The following DERA variants were observed in gnomAD, a reference collection of about 807,000 sequenced individuals.
DERA encodes the protein 2-deoxy-D-ribose 5-phosphate aldolase.
A neutral mutation model predicts 41.1 loss-of-function variants in DERA; 15 were observed. The ratio of observed to expected loss-of-function variants is 0.37; its 90% CI spans 0.24 to 0.56. The LOEUF is 0.56. DERA is among the 20% of genes least tolerant of loss of function. The probability of loss-of-function intolerance (pLI) is 0.81; values close to 1 mark genes in which losing one functional copy is unlikely to be tolerated. For missense variants in DERA, 396 were observed against 403.4 expected (o/e 0.98, Z 0.16); for synonymous variants, 139 against 137.4 (o/e 1.01, Z -0.08).
In DERA at chr12:15,913,215, G is replaced by C. The variant is rs1948177068; in HGVS notation, c.31+1801G>C. Among the ~76,000 whole-genome samples, 1 of 152,168 alleles carries C rather than the reference G, an allele frequency of 6.6e-6. No homozygotes were observed. Among genetic ancestry groups the C allele is most frequent in the Non-Finnish European group, 1.5e-5 (1 of 68,030 alleles). On this transcript the variant is annotated intron_variant, in intron 1 of 8. Transcript: ENST00000428559. The surrounding 1 kb of genome is among the most constrained non-coding windows in gnomAD (Gnocchi z 4.5). ...TCCATTCATTTGTTGAAAAGTAATAGACATAAATAATTGCCAGGTAGAACA... is the reference window on the plus strand; with the variant it reads ...TCCATTCATTTGTTGAAAAGTAATACACATAAATAATTGCCAGGTAGAACA...
chr12:15,960,850 G>A (rs367870195), intron 4 of DERA, among the ~76,000 whole-genome samples: 1 of 152,094 alleles, frequency 6.6e-6, no homozygotes, highest in African/African-American at 2.4e-5. Flanking sequence ...GCACTAGCAC[G>A]TGTGAAGGCA....
chr12:15,925,374 T>G (rs79585733), intron 1 of DERA, among the ~76,000 whole-genome samples: 2,524 of 152,266 alleles, frequency 0.017, 58 homozygotes, highest in African/African-American at 0.053. Flanking sequence ...TTCTTATTAT[T>G]TTGAACACAT....
rs1355388667 is a variant in DERA, at chr12:15,918,767, A to G, written c.31+7353A>G. The stretch of plus-strand genomic sequence containing the variant: ...CATACGGCATGTTAAAACTGACAAC[A>G]GGAACGTGGTGGGATTGGAAGGATA... On this transcript the variant is annotated intron_variant, in intron 1 of 8. Coordinates refer to ENST00000428559, the MANE Select transcript of DERA (RefSeq NM_015954.4). The surrounding 1 kb of genome is among the most constrained non-coding windows in gnomAD (Gnocchi z 4.3). Among the ~76,000 whole-genome samples the G allele has an allele frequency of 6.6e-6, 1 of 152,192 alleles. No homozygotes were observed. The highest frequency in any genetic ancestry group is 1.5e-5 in the Non-Finnish European group (1 of 68,038).
At chr12:15,974,321 G>A (rs1009367148) in intron 5 of DERA, among the ~76,000 whole-genome samples, 2 of 152,164 alleles carry the variant, frequency 1.3e-5, no homozygotes, top group African/African-American at 4.8e-5. Flanking sequence ...ATTAGGTGTA[G>A]TATCAGTTGT....
chr12:15,945,281 C>T (rs1379384092), intron 1 of DERA, among the ~76,000 whole-genome samples: 2 of 152,130 alleles, frequency 1.3e-5, no homozygotes, highest in Non-Finnish European at 2.9e-5. Flanking sequence ...TCATTAGTAG[C>T]TTGATGGGGA....
Position 16,013,026 on chromosome 12 carries a change from C to T in DERA, c.638-19516C>T, listed in dbSNP as rs1485871066. ...TATGGTGTGTAACTATCATATTGGA[C>T]TATGACGTGCAGCCCTAGACAAATC... On this transcript the variant is annotated intron_variant, in intron 6 of 8. Transcript: ENST00000428559. This position sits in a 1 kb window ranked among gnomAD's most constrained non-coding sequence, Gnocchi z 5.8. 1.3e-5 allele frequency among the ~76,000 whole-genome samples: 2 copies of T among 152,142 alleles called. No homozygotes were observed. Among genetic ancestry groups the T allele is most frequent in the Non-Finnish European group, 2.9e-5 (2 of 68,036 alleles).
intron 1 of DERA, among the ~76,000 whole-genome samples, chr12:15,919,764 C>T (rs1165286247): frequency 6.6e-6 from 1 of 152,152 alleles, no homozygotes; most frequent in African/African-American, 2.4e-5. Context: ...TCCCGCAAAG[C>T]AAAGTCTAAG....
At chr12:15,958,626 G>A (rs536902403) in intron 3 of DERA, among the ~76,000 whole-genome samples, 2 of 149,162 alleles carry the variant, frequency 1.3e-5, no homozygotes, top group African/African-American at 4.9e-5. Flanking sequence ...TTTCTGTTTA[G>A]TGACACTGAA....
At chr12:16,016,606 C>T (rs1373389148) in intron 6 of DERA, among the ~76,000 whole-genome samples, 1 of 151,638 alleles carries the variant, frequency 6.6e-6, no homozygotes, top group Non-Finnish European at 1.5e-5. Context: ...TCGAGACCAG[C>T]CCAGACAACA....
intron 3 of DERA, among the ~76,000 whole-genome samples, 179 bp downstream of exon 3, chr12:15,958,514 CTTTT>C (rs78571301): frequency 2.4e-5 from 3 of 124,094 alleles, no homozygotes; most frequent in Non-Finnish European, 1.7e-5. Flanking sequence ...GAATCTGAGT[CTTTT>C]TTTTTTTTTT....
rs2136132788 is a variant in DERA, at chr12:15,935,573, T to G, written c.32-21363T>G. ...TTCAGTTTTCACATATCTGTACCAG[T>G]TTCAGTGTAATTTGATTTATTTATT... is the stretch of plus-strand genomic sequence containing the variant. On this transcript the variant is annotated intron_variant, in intron 1 of 8. Transcript: ENST00000428559. The surrounding 1 kb of genome is among the most constrained non-coding windows in gnomAD (Gnocchi z 4.8). 6.6e-6 allele frequency among the ~76,000 whole-genome samples: 1 copy of G among 152,342 alleles called. No homozygotes were observed. Among genetic ancestry groups the G allele is most frequent in the East Asian group, 1.9e-4 (1 of 5,190 alleles).
rs552150273 is a variant in DERA at position 16,032,591 on chromosome 12, C to T, written c.687C>T (p.Thr229=). Residue 229 remains threonine (T), a synonymous_variant, in exon 7 of 9, where the codon ACC becomes ACT. Coordinates refer to ENST00000428559, the MANE Select transcript of DERA (RefSeq NM_015954.4). The part of the protein sequence containing the change: ...TSTGKETVNA[T]FPVAIVMLRA... ...CTGGAAAAGAAACAGTAAATGCCAC[C>T]TTCCCGGTAGCTATAGTAATGCTGC... 8.2e-5 allele frequency: 128 copies of T among 1,566,442 alleles called. No individual in the cohort carries two copies. The highest frequency in any genetic ancestry group is 5.0e-4 in the Middle Eastern group (3 of 6,010).
At position 16,035,955 on chromosome 12, in the gene DERA, T is replaced by G. The variant is rs1050847861; in HGVS notation, c.751-277T>G. On this transcript the variant is annotated intron_variant, in intron 7 of 8. Transcript: ENST00000428559. The surrounding 1 kb of genome is among the most constrained non-coding windows in gnomAD (Gnocchi z 4.1). ...AGCTATAGTCTAGATGGTGGAGGTTTATGACTTTCCAATAAGTGAAATGTT... is the reference window on the plus strand; with the variant it reads ...AGCTATAGTCTAGATGGTGGAGGTTGATGACTTTCCAATAAGTGAAATGTT... Among the ~76,000 whole-genome samples, 2 of 152,176 alleles carry G rather than the reference T, an allele frequency of 1.3e-5. No homozygotes were observed. Among genetic ancestry groups the G allele is most frequent in the Non-Finnish European group, 1.5e-5 (1 of 68,034 alleles).
intron 5 of DERA, chr12:15,971,881 G>A (rs1179978496): frequency 1.3e-5 from 4 of 317,116 alleles, no homozygotes; most frequent in Admixed American, 3.9e-5. Context: ...AGCAGATTTT[G>A]GAGCACAGTC....
rs1397829322 is a variant in DERA, at chr12:15,976,439, G to A, written c.509-5869G>A. On this transcript the variant is annotated intron_variant, in intron 5 of 8. Transcript: ENST00000428559. The surrounding 1 kb of genome is among the most constrained non-coding windows in gnomAD (Gnocchi z 4.1). ...GCCTCCATCATGTTGCCATGATGTA[G>A]CAACATGCAGGCCAAGAATTTCTCT... Among the ~76,000 whole-genome samples, 1 of 152,086 alleles carries A rather than the reference G, an allele frequency of 6.6e-6. No individual in the cohort carries two copies. Among genetic ancestry groups the A allele is most frequent in the African/African-American group, 2.4e-5 (1 of 41,432 alleles).
rs1422491262 is a variant in DERA at position 15,956,997 on chromosome 12, A to G, written c.93A>G (p.Gln31=). ...CGGCAGTTCTGAGGCGTGCGGAACAAATCCAGGCTCGCAGAACCGTGAAAA... is the reference window on the plus strand; with the variant it reads ...CGGCAGTTCTGAGGCGTGCGGAACAGATCCAGGCTCGCAGAACCGTGAAAA... ...NHPAVLRRAE[Q]IQARRTVKKE... is the part of the protein sequence containing the mutation. The change falls in exon 2 of 9, where the codon CAA becomes CAG. Residue 31 remains glutamine, a synonymous_variant. Coordinates refer to ENST00000428559, the MANE Select transcript of DERA (RefSeq NM_015954.4). 8.1e-6 allele frequency: 13 copies of G among 1,613,848 alleles called. No homozygotes were observed. The highest frequency in any genetic ancestry group is 1.0e-5 in the Non-Finnish European group (12 of 1,179,876).
rs1948950963 is a variant in DERA, at chr12:16,012,187, T to C, written c.638-20355T>C. On this transcript the variant is annotated intron_variant, in intron 6 of 8. Transcript: ENST00000428559. The surrounding 1 kb of genome is among the most constrained non-coding windows in gnomAD (Gnocchi z 4.1). ...GTTGAAGGGTTGGGAAAGAGAGGAG[T>C]TGAGTTGAGCACAGAGATGTGATAC... Among the ~76,000 whole-genome samples the C allele has an allele frequency of 6.6e-6, 1 of 151,928 alleles. No individual in the cohort carries two copies. Among genetic ancestry groups the C allele is most frequent in the South Asian group, 2.1e-4 (1 of 4,818 alleles).
Position 16,026,762 on chromosome 12 carries a change from A to G in DERA, c.638-5780A>G, listed in dbSNP as rs1213857620. 6.6e-6 allele frequency among the ~76,000 whole-genome samples: 1 copy of G among 152,134 alleles called. No homozygotes were observed. Among genetic ancestry groups the G allele is most frequent in the East Asian group, 1.9e-4 (1 of 5,200 alleles). ...AAGGAAGATATAATACCAGTCTTCTACAATCTCTTCCGGAAAATAGAAGAG... is the reference window on the plus strand; with the variant it reads ...AAGGAAGATATAATACCAGTCTTCTGCAATCTCTTCCGGAAAATAGAAGAG... On this transcript the variant is annotated intron_variant, in intron 6 of 8. Transcript: ENST00000428559. This position sits in a 1 kb window ranked among gnomAD's most constrained non-coding sequence, Gnocchi z 4.4.
At position 16,012,689 on chromosome 12, in the gene DERA, T is replaced by C. The variant is rs893197216; in HGVS notation, c.638-19853T>C. Among the ~76,000 whole-genome samples, 2 of 152,236 alleles carry C rather than the reference T, an allele frequency of 1.3e-5. No individual in the cohort carries two copies. The highest frequency in any genetic ancestry group is 4.8e-5 in the African/African-American group (2 of 41,452). On this transcript the variant is annotated intron_variant, in intron 6 of 8. Coordinates refer to ENST00000428559, the MANE Select transcript of DERA (RefSeq NM_015954.4). The surrounding 1 kb of genome is among the most constrained non-coding windows in gnomAD (Gnocchi z 4.1). ...ATTTTAAACCAACATTTTAAAGATA[T>C]TGGTGTAAAATGGTGTCAAATTGTT...
Sources: allele counts gnomAD v4.1 joint callset (sites outside exome capture counted in the v4.1 genomes callset), GRCh38; gene constraint gnomAD v4.1.1; non-coding constraint Gnocchi (gnomAD v3.1); transcripts MANE v1.5; gene names NCBI Gene and HGNC (gene_info 2026-07-23, HGNC 2026-07-21).